Variants in CTNND2 observed in about 807,000 individuals in gnomAD.
CTNND2 encodes the protein catenin delta 2, also known as catenin delta-2.
A neutral mutation model predicts 144.4 loss-of-function variants in CTNND2; 22 were observed. The observed-to-expected ratio is 0.15, with a 90% CI of 0.11 to 0.22. The LOEUF is 0.22. CTNND2 is among the 10% of genes least tolerant of loss of function. The pLI is 1.00. For synonymous variants in CTNND2, 751 were observed against 695.6 expected (o/e 1.08, Z -1.25); for missense variants, 1,353 against 1,618.8 (o/e 0.84, Z 2.82).
chr5:11,210,938 G>A (rs1197552492), intron 10 of CTNND2, among the ~76,000 whole-genome samples: 1 of 152,132 alleles, frequency 6.6e-6, no homozygotes, highest in Non-Finnish European at 1.5e-5. Context: ...AACCAACAAG[G>A]GAGCAAATAT....
chr5:11,048,884 A>G (rs1308626371), intron 16 of CTNND2, among the ~76,000 whole-genome samples: 3 of 152,130 alleles, frequency 2.0e-5, no homozygotes, highest in South Asian at 2.1e-4. Flanking sequence ...GGCACTGTTG[A>G]TATTTTGGGC....
chr5:11,183,475 A>G (rs142974664), intron 11 of CTNND2, among the ~76,000 whole-genome samples: 25 of 151,846 alleles, frequency 1.6e-4, no homozygotes, highest in Non-Finnish European at 2.9e-4. Context: ...TGGCATCGAC[A>G]CTCTCCAGCT....
intron 17 of CTNND2, among the ~76,000 whole-genome samples, chr5:11,019,715 G>C (rs1010478558): frequency 2.0e-5 from 3 of 152,192 alleles, no homozygotes; most frequent in Non-Finnish European, 4.4e-5. Context: ...ACAATTGTGT[G>C]TTTCTAATGT....
chr5:11,241,663 T>C (rs1742465318), intron 9 of CTNND2, among the ~76,000 whole-genome samples: 1 of 152,222 alleles, frequency 6.6e-6, no homozygotes, highest in African/African-American at 2.4e-5. Context: ...AGGCTCTTTT[T>C]CTATAACAGT....
intron 6 of CTNND2, among the ~76,000 whole-genome samples, chr5:11,396,621 AAC>A (rs1760163558): frequency 6.6e-6 from 1 of 152,192 alleles, no homozygotes; most frequent in Non-Finnish European, 1.5e-5. Context: ...TGATATCAAA[AAC>A]CACAAAGCAA....
intron 6 of CTNND2, among the ~76,000 whole-genome samples, chr5:11,386,906 A>C (rs1252494706): frequency 6.6e-6 from 1 of 152,144 alleles, no homozygotes; most frequent in African/African-American, 2.4e-5. Context: ...TGAGCCCCAG[A>C]GAAATAGTCT....
intron 16 of CTNND2, among the ~76,000 whole-genome samples, chr5:11,070,019 T>A (rs375600843): frequency 9.2e-5 from 14 of 152,330 alleles, no homozygotes; most frequent in African/African-American, 3.4e-4. Context: ...AATTACCAAC[T>A]TCAGTCTATT....
intron 8 of CTNND2, 105 bp from the exon 9 acceptor site, chr5:11,346,732 G>T (rs1754833524): frequency 9.1e-7 from 1 of 1,093,332 alleles, no homozygotes; most frequent in African/African-American, 1.6e-5. Context: ...ATAAAAAATA[G>T]GGGGTTCAAA....
At chr5:11,025,578 A>AG (rs1742736905) in intron 16 of CTNND2, among the ~76,000 whole-genome samples, 1 of 152,224 alleles carries the variant, frequency 6.6e-6, no homozygotes, top group South Asian at 2.1e-4. Flanking sequence ...TTGTATGTCA[A>AG]GGGGGCAACA....
At chr5:11,614,171 T>C (rs369311580) in intron 2 of CTNND2, among the ~76,000 whole-genome samples, 3 of 152,314 alleles carry the variant, frequency 2.0e-5, no homozygotes, top group East Asian at 3.9e-4. Context: ...TGCTTCTGGT[T>C]TATCTGCATG....
At position 11,411,653 on chromosome 5, in the gene CTNND2, C is replaced by T; in HGVS notation, c.323-1G>A. 6.4e-7 allele frequency: 1 copy of T among 1,573,110 alleles called. No individual in the cohort carries two copies. The highest frequency in any genetic ancestry group is 8.7e-7 in the Non-Finnish European group (1 of 1,146,714). Reference sequence around the variant, plus strand: ...TCATCTTCGATATCTTTTTGACCATCTGAAATGAAATATTTTAAAGTGATG... The same window carrying T: ...TCATCTTCGATATCTTTTTGACCATTTGAAATGAAATATTTTAAAGTGATG... On this transcript the variant is annotated splice_acceptor_variant, in intron 4 of 21. Coordinates refer to ENST00000304623, the MANE Select transcript of CTNND2 (RefSeq NM_001332.4). LOFTEE classifies it high-confidence loss of function.
At position 11,018,569 on chromosome 5, in the gene CTNND2, C is replaced by A. The variant is rs61751679; in HGVS notation, c.3000-511G>T. ...CTTGAAGAAAATTAAAAGTGCTACC[C>A]CAGTGAACACACGAATAATAAGAAA... On this transcript the variant is annotated intron_variant, in intron 17 of 21. Transcript: ENST00000304623. 8.5e-4 allele frequency among the ~76,000 whole-genome samples: 129 copies of A among 152,208 alleles called. 1 individual carries two copies. The East Asian group carries it at 0.022, about 26-fold the overall frequency.
intron 9 of CTNND2, among the ~76,000 whole-genome samples, chr5:11,306,611 C>T (rs1279668644): frequency 6.6e-6 from 1 of 152,210 alleles, no homozygotes; most frequent in Non-Finnish European, 1.5e-5. Context: ...TCTTGATCTG[C>T]TGTTTTTTCA....
chr5:11,373,473 C>T (rs946518990), intron 7 of CTNND2, among the ~76,000 whole-genome samples: 3 of 152,158 alleles, frequency 2.0e-5, no homozygotes, highest in African/African-American at 7.2e-5. Context: ...TCTAGGTTCC[C>T]TGCATTGCCA....
intron 2 of CTNND2, among the ~76,000 whole-genome samples, chr5:11,632,777 A>G (rs1781480437): frequency 6.6e-6 from 1 of 152,178 alleles, no homozygotes; most frequent in African/African-American, 2.4e-5. Context: ...CTCACCAAAT[A>G]CAGGATGTTA....
chr5:11,791,072 G>A lies in CTNND2; in HGVS notation c.38-58800C>T, dbSNP rs116402151. ...GAGAACACCATGGGAAGACAGAGGC[G>A]GACAGTGGAGCAACATATCTACAAG... On this transcript the variant is annotated intron_variant, in intron 1 of 21. Transcript: ENST00000304623. Among the ~76,000 whole-genome samples, 453 of 152,164 alleles carry A rather than the reference G, an allele frequency of 3.0e-3. 1 individual carries two copies. Among genetic ancestry groups the A allele is most frequent in the African/African-American group, 0.01 (422 of 41,508 alleles).
At chr5:11,531,217 T>C (rs1773717357) in intron 3 of CTNND2, among the ~76,000 whole-genome samples, 1 of 151,880 alleles carries the variant, frequency 6.6e-6, no homozygotes, top group African/African-American at 2.4e-5. Context: ...TGAAAATATG[T>C]CAAATACAGG....
At chr5:10,976,862 G>A (rs554391617) in intron 21 of CTNND2, among the ~76,000 whole-genome samples, 45 of 152,334 alleles carry the variant, frequency 3.0e-4, no homozygotes, top group African/African-American at 9.9e-4. Context: ...AAGACTCAGA[G>A]TGTTCACAGA....
chr5:11,277,641 C>A (rs142110270), intron 9 of CTNND2, among the ~76,000 whole-genome samples: 1 of 151,928 alleles, frequency 6.6e-6, no homozygotes, highest in African/African-American at 2.4e-5. Flanking sequence ...AAGAGATCCT[C>A]CCACCTCAGC....
Sources: gnomAD v4.1 joint callset for allele counts (sites outside exome capture counted in the v4.1 genomes callset) on GRCh38, gnomAD v4.1.1 for gene constraint, MANE v1.5 for transcripts, NCBI Gene and HGNC (gene_info 2026-07-23, HGNC 2026-07-21) for gene names.